Variants in ZCCHC24 observed in about 807,000 individuals in gnomAD.
ZCCHC24 encodes zinc finger CCHC-type containing 24.
ZCCHC24 carries 10 observed loss-of-function variants against 26.2 expected under a neutral mutation model. The observed-to-expected ratio is 0.38, with a 90% CI of 0.24 to 0.65. The LOEUF is 0.65. ZCCHC24 is among the 30% of genes least tolerant of loss of function. The pLI, the probability that ZCCHC24 is intolerant of heterozygous loss-of-function variation, is 0.54. For missense variants in ZCCHC24, 243 were observed against 329.1 expected, an observed-to-expected ratio of 0.74 and a Z score of 2.03; for synonymous variants, 144 against 147.1, an observed-to-expected ratio of 0.98 and a Z score of 0.15.
chr10:79,402,424 C>T lies in ZCCHC24; in HGVS notation c.448-7984G>A, dbSNP rs780387834. ...CCAAGTAGCTGGGACTATAGGTGCC[C>T]GCCACCACGCCCGGCTAATTTTTTG... On this transcript the variant is annotated intron_variant, in intron 2 of 3. Transcript: ENST00000372336. Among the ~76,000 whole-genome samples, 9 of 152,228 alleles carry T rather than the reference C, an allele frequency of 5.9e-5. 1 individual carries two copies. The highest frequency in any genetic ancestry group is 3.9e-4 in the East Asian group (2 of 5,180).
Position 79,386,012 on chromosome 10 carries a change from C to T in ZCCHC24, c.*333G>A. Reference sequence around the variant, plus strand: ...CCTGTGGCCAATACAAGGCTGCTCACCCCAAAGAGGCTCTCAGAGGCGAGC... The same window carrying T: ...CCTGTGGCCAATACAAGGCTGCTCATCCCAAAGAGGCTCTCAGAGGCGAGC... On this transcript the variant is annotated 3_prime_UTR_variant, in exon 4 of 4. Transcript: ENST00000372336. The T allele has an allele frequency of 2.0e-6, 1 of 511,330 alleles. No individual in the cohort carries two copies. Among genetic ancestry groups the T allele is most frequent in the Non-Finnish European group, 3.5e-6 (1 of 285,464 alleles). The allele number at this position is 511,330 out of a possible 1,614,324, so 31.7% of individuals were successfully genotyped here.
At chr10:79,444,282 A>G (rs1857329817) in intron 1 of ZCCHC24, 1 of 1,420,922 alleles carries the variant, frequency 7.0e-7, no homozygotes, top group African/African-American at 1.5e-5. Context: ...GCCCACGGAA[A>G]GGAGTGGTAT....
intron 2 of ZCCHC24, among the ~76,000 whole-genome samples, chr10:79,421,721 A>G (rs1289227754): frequency 1.3e-5 from 2 of 151,952 alleles, no homozygotes; most frequent in African/African-American, 4.8e-5. Context: ...CCACATCCTG[A>G]GTTCAAGCAA....
Position 79,402,571 on chromosome 10 carries a change from G to C in ZCCHC24, c.448-8131C>G, listed in dbSNP as rs141686768. ...ATTATAGGCGTGAGCCACTGTGCCC[G>C]GCCAGAGCCTTGGTTTTTCTATCTT... On this transcript the variant is annotated intron_variant, in intron 2 of 3. Coordinates refer to ENST00000372336, the MANE Select transcript of ZCCHC24 (RefSeq NM_153367.4). Among the ~76,000 whole-genome samples, 474 of 152,338 alleles carry C rather than the reference G, an allele frequency of 3.1e-3. 8 individuals are homozygous for C. The highest frequency in any genetic ancestry group is 6.4e-3 in the East Asian group (33 of 5,182).
At position 79,445,598 on chromosome 10, in the gene ZCCHC24, T is replaced by C. The variant is rs1857357103; in HGVS notation, c.-158A>G. 3 of 525,540 alleles carry C rather than the reference T, an allele frequency of 5.7e-6. No homozygotes were observed. The highest frequency in any genetic ancestry group is 7.4e-6 in the Non-Finnish European group (3 of 406,936). The allele number at this position is 525,540 out of a possible 1,614,324, so 32.6% of individuals were successfully genotyped here. ...CGCCCCGCGCGCTGCCCGCAGCCGC[T>C]GCCGCTGCCGCCGCCTCCCCCCGAC... On this transcript the variant is annotated 5_prime_UTR_variant, in exon 1 of 4. Transcript: ENST00000372336.
intron 2 of ZCCHC24, among the ~76,000 whole-genome samples, chr10:79,415,871 T>G (rs1468323782): frequency 6.6e-6 from 1 of 152,122 alleles, no homozygotes; most frequent in African/African-American, 2.4e-5. Flanking sequence ...CCTTGTAGGC[T>G]ATGGAAAGAA....
At chr10:79,411,202 G>C (rs1358797403) in intron 2 of ZCCHC24, among the ~76,000 whole-genome samples, 1 of 152,166 alleles carries the variant, frequency 6.6e-6, no homozygotes. Flanking sequence ...GGTGCCCTTG[G>C]GGGTATGATC....
chr10:79,411,024 G>A (rs1333472150), intron 2 of ZCCHC24, among the ~76,000 whole-genome samples: 1 of 152,118 alleles, frequency 6.6e-6, no homozygotes, highest in East Asian at 1.9e-4. Flanking sequence ...CCAGGGTGGA[G>A]CAAGGGAAGG....
chr10:79,400,330 TCAA>T (rs1195907109), intron 2 of ZCCHC24, among the ~76,000 whole-genome samples: 2 of 152,200 alleles, frequency 1.3e-5, no homozygotes, highest in Admixed American at 6.5e-5. Flanking sequence ...AGCGAAACAT[TCAA>T]CAACAATGCC....
chr10:79,402,332 G>A (rs1856644756), intron 2 of ZCCHC24, among the ~76,000 whole-genome samples: 1 of 152,104 alleles, frequency 6.6e-6, no homozygotes, highest in Non-Finnish European at 1.5e-5. Context: ...CTGGAGTGCA[G>A]TGGCGTGATC....
intron 2 of ZCCHC24, among the ~76,000 whole-genome samples, chr10:79,431,169 GC>G (rs1413767176): frequency 6.6e-6 from 1 of 152,212 alleles, no homozygotes; most frequent in African/African-American, 2.4e-5. Context: ...TGAGCTGGGG[GC>G]CCCTGTGCTG....
At chr10:79,399,470 C>G (rs1003608324) in intron 2 of ZCCHC24, among the ~76,000 whole-genome samples, 1 of 152,236 alleles carries the variant, frequency 6.6e-6, no homozygotes, top group Non-Finnish European at 1.5e-5. Flanking sequence ...TGCCACGTAC[C>G]CCTCTGGGGG....
chr10:79,434,610 C>A (rs977120772), intron 1 of ZCCHC24, among the ~76,000 whole-genome samples: 2 of 152,184 alleles, frequency 1.3e-5, no homozygotes, highest in African/African-American at 2.4e-5. Context: ...CATGAGTGTG[C>A]CCCAACCTGT....
At chr10:79,440,490 C>T (rs1051165311) in intron 1 of ZCCHC24, among the ~76,000 whole-genome samples, 8 of 152,314 alleles carry the variant, frequency 5.3e-5, no homozygotes, top group Admixed American at 2.6e-4. Context: ...CCCGTCCAGA[C>T]GGATTGCTGC....
At chr10:79,414,212 C>A (rs1028407326) in intron 2 of ZCCHC24, among the ~76,000 whole-genome samples, 1 of 152,218 alleles carries the variant, frequency 6.6e-6, no homozygotes, top group Non-Finnish European at 1.5e-5. Context: ...CACAGAGTTG[C>A]TGAATTTAGA....
At chr10:79,443,664 A>G (rs1024481079) in intron 1 of ZCCHC24, among the ~76,000 whole-genome samples, 1 of 152,234 alleles carries the variant, frequency 6.6e-6, no homozygotes, top group African/African-American at 2.4e-5. Context: ...CATGCACCAA[A>G]GAAACACCCC....
intron 3 of ZCCHC24, among the ~76,000 whole-genome samples, chr10:79,390,158 A>G (rs550906884): frequency 1.6e-4 from 25 of 152,308 alleles, no homozygotes; most frequent in African/African-American, 5.8e-4. Context: ...GGTATGAGCC[A>G]CTGTGCCCAG....
At chr10:79,413,405 G>A (rs1363112389) in intron 2 of ZCCHC24, among the ~76,000 whole-genome samples, 1 of 152,216 alleles carries the variant, frequency 6.6e-6, no homozygotes, top group African/African-American at 2.4e-5. Context: ...ACCCGTCCTG[G>A]GGGAGTGGAA....
At chr10:79,404,542 T>G (rs978975428) in intron 2 of ZCCHC24, among the ~76,000 whole-genome samples, 1 of 152,180 alleles carries the variant, frequency 6.6e-6, no homozygotes, top group Non-Finnish European at 1.5e-5. Flanking sequence ...GGATGGAAGA[T>G]CTGCAGCCAC....
Sources: allele counts gnomAD v4.1 joint callset (sites outside exome capture counted in the v4.1 genomes callset), GRCh38; gene constraint gnomAD v4.1.1; transcripts MANE v1.5; gene names NCBI Gene and HGNC (gene_info 2026-07-23, HGNC 2026-07-21).